The following DLC1 variants were observed in gnomAD, a reference collection of about 807,000 sequenced individuals.
DLC1 encodes DLC1 Rho GTPase activating protein.
In DLC1, 54 loss-of-function variants were observed where a neutral mutation model predicts 140.3. The observed-to-expected ratio is 0.38, with a 90% CI of 0.31 to 0.48. The LOEUF (loss-of-function observed/expected upper bound fraction) is 0.48, where lower values mean the gene tolerates loss of function less well. Among genes scored for constraint, DLC1 ranks in the 20% least tolerant of loss-of-function variants. The probability of loss-of-function intolerance (pLI) is 0.96; values close to 1 mark genes in which losing one functional copy is unlikely to be tolerated. For synonymous variants in DLC1, 986 were observed against 728.1 expected, an observed-to-expected ratio of 1.35 and a Z score of -5.70; for missense variants, 2,536 against 1,907.0, an observed-to-expected ratio of 1.33 and a Z score of -6.14.
chr8:13,448,487 C>G (rs1279912145), intron 2 of DLC1, among the ~76,000 whole-genome samples: 4 of 152,026 alleles, frequency 2.6e-5, no homozygotes, highest in East Asian at 3.9e-4. Context: ...CTCAACCTCT[C>G]AAGTAGCTGG....
chr8:13,415,057 C>A (rs1050356443), intron 2 of DLC1, among the ~76,000 whole-genome samples: 2 of 152,030 alleles, frequency 1.3e-5, no homozygotes, highest in African/African-American at 4.8e-5. Flanking sequence ...TGTGATTTGC[C>A]CACCTTGGCC....
intron 5 of DLC1, among the ~76,000 whole-genome samples, chr8:13,280,067 C>T (rs546025277): frequency 9.3e-5 from 14 of 150,636 alleles, no homozygotes; most frequent in East Asian, 2.0e-4. Flanking sequence ...ATCATGAGGT[C>T]GGGAGATCGA....
At chr8:13,149,155 C>T (rs1046469239) in intron 5 of DLC1, among the ~76,000 whole-genome samples, 2 of 152,156 alleles carry the variant, frequency 1.3e-5, no homozygotes, top group Non-Finnish European at 2.9e-5. Context: ...ACAGAAGGCA[C>T]AATCTCAATT....
At chr8:13,451,835 G>C (rs1799072916) in intron 2 of DLC1, among the ~76,000 whole-genome samples, 1 of 152,178 alleles carries the variant, frequency 6.6e-6, no homozygotes, top group African/African-American at 2.4e-5. Context: ...ATATGGGATT[G>C]CAGATATCTG....
At chr8:13,398,413 G>A (rs1037000091) in intron 3 of DLC1, among the ~76,000 whole-genome samples, 1 of 151,944 alleles carries the variant, frequency 6.6e-6, no homozygotes, top group African/African-American at 2.4e-5. Flanking sequence ...TGGCACTGCT[G>A]GATCTGTCAA....
intron 2 of DLC1, among the ~76,000 whole-genome samples, chr8:13,436,276 A>G (rs1329172815): frequency 6.6e-6 from 1 of 152,180 alleles, no homozygotes; most frequent in African/African-American, 2.4e-5. Context: ...TTTGCTGTGT[A>G]GAGATAAATT....
rs369045480 is a variant in DLC1, at chr8:13,550,172, T to G, written c.-125-49976A>C. Among the ~76,000 whole-genome samples, 76 of 152,078 alleles carry G rather than the reference T, an allele frequency of 5.0e-4. 2 individuals carry two copies. In the South Asian group the frequency reaches 0.014, roughly 29 times the overall value. ...AAGGGAGGAACCTGAGGGGAGGTGA[T>G]TGGATTATGGGGGGCAGTTCCCCCA... On this transcript the variant is annotated intron_variant, in intron 1 of 1. Transcript: ENST00000631382.
chr8:13,413,688 T>A (rs774367363), intron 2 of DLC1, among the ~76,000 whole-genome samples: 23 of 152,084 alleles, frequency 1.5e-4, no homozygotes, highest in Admixed American at 2.6e-4. Context: ...TCACACGATC[T>A]GATGGTTTTA....
At chr8:13,102,376 C>T (rs1301492119) in intron 8 of DLC1, among the ~76,000 whole-genome samples, 4 of 152,142 alleles carry the variant, frequency 2.6e-5, no homozygotes, top group African/African-American at 7.2e-5. Flanking sequence ...TTGCACAAAT[C>T]GGCCTTCGCT....
At chr8:13,455,892 AAATAC>A in intron 2 of DLC1, among the ~76,000 whole-genome samples, 1 of 152,302 alleles carries the variant, frequency 6.6e-6, no homozygotes, top group East Asian at 1.9e-4. Flanking sequence ...AAAAATAAAT[AAATAC>A]AAGAAAAATA....
intron 7 of DLC1, among the ~76,000 whole-genome samples, chr8:13,108,195 T>C (rs1269280167): frequency 6.6e-6 from 1 of 151,910 alleles, no homozygotes; most frequent in Non-Finnish European, 1.5e-5. Context: ...AGCCCTGGGG[T>C]TTTCCATTAC....
chr8:13,339,129 A>G lies in DLC1; in HGVS notation c.1315-33827T>C, dbSNP rs143036907. Among the ~76,000 whole-genome samples the G allele has an allele frequency of 2.8e-3, 426 of 152,320 alleles. 1 individual carries two copies. The highest frequency in any genetic ancestry group is 9.8e-3 in the African/African-American group (409 of 41,570). On this transcript the variant is annotated intron_variant, in intron 4 of 17. Transcript: ENST00000276297. ...AACTGAATCATTCCCTTCCTTGTCA[A>G]ATAGGAATTATGCAAACCAAACTAC...
chr8:13,121,860 C>CT (rs1419661077), intron 5 of DLC1, among the ~76,000 whole-genome samples: 1 of 152,080 alleles, frequency 6.6e-6, no homozygotes, highest in Non-Finnish European at 1.5e-5. Flanking sequence ...GGCCAGGGAG[C>CT]TTTTTAAAAA....
In DLC1 at chr8:13,085,737, C is replaced by G; in HGVS notation, c.*74G>C. 1 of 1,600,602 alleles carries G rather than the reference C, an allele frequency of 6.2e-7. No homozygotes were observed. The highest frequency in any genetic ancestry group is 8.5e-7 in the Non-Finnish European group (1 of 1,172,792). On this transcript the variant is annotated 3_prime_UTR_variant, in exon 18 of 18. Coordinates refer to ENST00000276297, the MANE Select transcript of DLC1 (RefSeq NM_182643.3). ...TTTGTTTCAGGATTAGACACAGAACCCATTCTTCAAGGACTGGCAAAAGTT... is the reference window on the plus strand; with the variant it reads ...TTTGTTTCAGGATTAGACACAGAACGCATTCTTCAAGGACTGGCAAAAGTT...
intron 5 of DLC1, among the ~76,000 whole-genome samples, chr8:13,120,356 A>AAAAAAAAAAAAAAAAATATATATAT: frequency 3.1e-4 from 19 of 61,098 alleles, no homozygotes; most frequent in Admixed American, 5.3e-4. Context: ...AAAAAAAAAA[A>AAAAAAAAAAAAAAAAATATATATAT]ATATATATAT....
At chr8:13,198,735 T>G (rs1458124389) in intron 5 of DLC1, among the ~76,000 whole-genome samples, 2 of 151,660 alleles carry the variant, frequency 1.3e-5, no homozygotes, top group Non-Finnish European at 2.9e-5. Flanking sequence ...TTTTTTTTTT[T>G]GAAATGGAGT....
At chr8:13,366,426 A>C (rs1240121278) in intron 4 of DLC1, among the ~76,000 whole-genome samples, 1 of 152,196 alleles carries the variant, frequency 6.6e-6, no homozygotes, top group Non-Finnish European at 1.5e-5. Flanking sequence ...TTGTGGGCAC[A>C]TGGTAGGTGT....
intron 3 of DLC1, among the ~76,000 whole-genome samples, chr8:13,397,743 G>C (rs912111984): frequency 6.6e-6 from 1 of 152,128 alleles, no homozygotes; most frequent in African/African-American, 2.4e-5. Flanking sequence ...GGCTGAGGCA[G>C]GAGGATTGCT....
chr8:13,579,366 T>TTA (rs1804982791), intron 1 of DLC1, among the ~76,000 whole-genome samples: 1 of 42,926 alleles, frequency 2.3e-5, no homozygotes, highest in African/African-American at 1.4e-4. Flanking sequence ...TATATATTTT[T>TTA]ATATAATACA....
Sources: allele counts gnomAD v4.1 joint callset (sites outside exome capture counted in the v4.1 genomes callset), GRCh38; gene constraint gnomAD v4.1.1; transcripts MANE v1.5; gene names NCBI Gene and HGNC (gene_info 2026-07-23, HGNC 2026-07-21).